DNAI1: variants seen among roughly 807,000 people sequenced by gnomAD.
The protein encoded by DNAI1 is dynein axonemal intermediate chain 1.
DNAI1 carries 67 observed loss-of-function variants against 92.0 expected under a neutral mutation model. The ratio of observed to expected loss-of-function variants is 0.73; its 90% CI spans 0.60 to 0.89. The LOEUF (loss-of-function observed/expected upper bound fraction) is 0.89, where lower values mean the gene tolerates loss of function less well. Among genes scored for constraint, DNAI1 ranks in the 40% least tolerant of loss-of-function variants. The pLI, the probability that DNAI1 is intolerant of heterozygous loss-of-function variation, is 0.00. For missense variants in DNAI1, 839 were observed against 866.6 expected, an observed-to-expected ratio of 0.97 and a Z score of 0.40; for synonymous variants, 323 against 319.6, an observed-to-expected ratio of 1.01 and a Z score of -0.11.
intron 16 of DNAI1, among the ~76,000 whole-genome samples, chr9:34,513,601 G>T (rs925781786): frequency 6.6e-6 from 1 of 152,224 alleles, no homozygotes; most frequent in Non-Finnish European, 1.5e-5. Flanking sequence ...CTCACGGTCA[G>T]TTTCTACAAG....
At chr9:34,481,417 C>T (rs1210263394) in intron 1 of DNAI1, among the ~76,000 whole-genome samples, 1 of 152,164 alleles carries the variant, frequency 6.6e-6, no homozygotes. Context: ...TGGGTTGCCT[C>T]AGATATAGGA....
chr9:34,481,772 C>T (rs905449498), intron 1 of DNAI1, among the ~76,000 whole-genome samples: 1 of 152,104 alleles, frequency 6.6e-6, no homozygotes. Flanking sequence ...TCTTGCTGGG[C>T]TCAGGAGTGA....
At chr9:34,488,007 G>T (rs1587069361) in intron 4 of DNAI1, 2 of 350,458 alleles carry the variant, frequency 5.7e-6, no homozygotes, top group African/African-American at 4.4e-5. Flanking sequence ...AACTACTGGG[G>T]ACAAGATGAA....
At position 34,476,327 on chromosome 9, in the gene DNAI1, G is replaced by A. The variant is rs1824235518; in HGVS notation, c.49-7121G>A. On this transcript the variant is annotated intron_variant, in intron 1 of 19. Coordinates refer to ENST00000242317, the MANE Select transcript of DNAI1 (RefSeq NM_012144.4). ...GTGTGTCACTGCTGTACATGAGAATGCCTCTTTCCAACCACCTCATTCTCT... is the reference window on the plus strand; with the variant it reads ...GTGTGTCACTGCTGTACATGAGAATACCTCTTTCCAACCACCTCATTCTCT... Among the ~76,000 whole-genome samples, 4 of 152,288 alleles carry A rather than the reference G, an allele frequency of 2.6e-5. No homozygotes were observed. In the East Asian group the frequency reaches 7.7e-4, roughly 29 times the overall value.
chr9:34,515,551 G>A (rs1825156792), intron 18 of DNAI1, among the ~76,000 whole-genome samples: 1 of 152,186 alleles, frequency 6.6e-6, no homozygotes, highest in Non-Finnish European at 1.5e-5. Context: ...GTTCATGGCA[G>A]CATTACTCAT....
Position 34,501,134 on chromosome 9 carries a change from G to T in DNAI1, c.1020-4G>T. On this transcript the variant is annotated splice_region_variant and splice_polypyrimidine_tract_variant and intron_variant, in intron 11 of 19. Transcript: ENST00000242317. Reference sequence around the variant, plus strand: ...TGCCAATGGATTCATATTTTTTTTTGCAGGAATCCAAAGTACAGGGATCTG... The same window carrying T: ...TGCCAATGGATTCATATTTTTTTTTTCAGGAATCCAAAGTACAGGGATCTG... The T allele has an allele frequency of 6.2e-7, 1 of 1,610,188 alleles. No homozygotes were observed.
rs777922183 is a variant in DNAI1, at chr9:34,500,836, G to C, written c.1016G>C (p.Cys339Ser). 1 of 1,612,960 alleles carries C rather than the reference G, an allele frequency of 6.2e-7. No homozygotes were observed. The highest frequency in any genetic ancestry group is 8.5e-7 in the Non-Finnish European group (1 of 1,178,970). ...AAGCGCCTGTCCGTCACTGCCCTCT[G>C]CTGGTAAGTATAGGCATTGCAGCAA... ...KAKRLSVTAL[C>S]WNPKYRDLFA... The change falls in exon 11 of 20, where the codon TGC (cysteine) becomes TCC (serine). Residue 339 changes from cysteine (C) to serine (S), a missense_variant. By Grantham distance (112) the Cys-to-Ser change is moderately radical. Coordinates refer to ENST00000242317, the MANE Select transcript of DNAI1 (RefSeq NM_012144.4).
intron 1 of DNAI1, among the ~76,000 whole-genome samples, chr9:34,461,310 G>C (rs969172764): frequency 6.6e-6 from 1 of 152,142 alleles, no homozygotes; most frequent in African/African-American, 2.4e-5. Context: ...ATTGAGGTTT[G>C]GTTTACATAT....
At chr9:34,507,569 G>A (rs1824963069) in intron 13 of DNAI1, among the ~76,000 whole-genome samples, 3 of 152,192 alleles carry the variant, frequency 2.0e-5, no homozygotes, top group African/African-American at 7.2e-5. Flanking sequence ...TCTCATGGAT[G>A]GCAGGGGCAG....
chr9:34,491,288 C>T (rs1351767318), intron 7 of DNAI1: 2 of 633,736 alleles, frequency 3.2e-6, no homozygotes, highest in South Asian at 1.8e-5. Context: ...CTAGCTTATA[C>T]TTCTTCTGAA....
intron 5 of DNAI1, 135 bp downstream of exon 5, chr9:34,489,584 T>C (rs1486843897): frequency 8.1e-6 from 9 of 1,112,588 alleles, no homozygotes; most frequent in Non-Finnish European, 1.2e-5. Context: ...GCAGGGTGGT[T>C]CTTGCCTATA....
chr9:34,508,753 G>A (rs545496853), intron 13 of DNAI1, among the ~76,000 whole-genome samples: 23 of 152,284 alleles, frequency 1.5e-4, no homozygotes, highest in South Asian at 2.1e-4. Flanking sequence ...AAAATGGGGC[G>A]TTGAGAAGAA....
intron 2 of DNAI1, among the ~76,000 whole-genome samples, chr9:34,484,078 G>A (rs1824426668): frequency 1.3e-5 from 2 of 152,160 alleles, no homozygotes; most frequent in African/African-American, 2.4e-5. Flanking sequence ...TGCTAGGCAT[G>A]GTGGTGCATG....
intron 1 of DNAI1, among the ~76,000 whole-genome samples, chr9:34,460,941 C>T (rs563787815): frequency 7.6e-4 from 116 of 152,126 alleles, no homozygotes; most frequent in African/African-American, 2.6e-3. Context: ...CCTGGGTTCA[C>T]GTCATTCTCC....
intron 1 of DNAI1, among the ~76,000 whole-genome samples, chr9:34,479,656 G>A (rs1824303039): frequency 6.6e-6 from 1 of 152,128 alleles, no homozygotes; most frequent in Admixed American, 6.5e-5. Context: ...TCTATTGTGA[G>A]CCTGAAAGTT....
At chr9:34,474,986 C>G (rs750794533) in intron 1 of DNAI1, among the ~76,000 whole-genome samples, 1 of 152,154 alleles carries the variant, frequency 6.6e-6, no homozygotes, top group Non-Finnish European at 1.5e-5. Context: ...CATCAGTTGG[C>G]ACTACCACAA....
chr9:34,477,120 A>T (rs535732421), intron 1 of DNAI1, among the ~76,000 whole-genome samples: 1 of 152,202 alleles, frequency 6.6e-6, no homozygotes, highest in Admixed American at 6.5e-5. Flanking sequence ...AGGTCAAGCA[A>T]TCCTCTTACC....
At position 34,491,552 on chromosome 9, in the gene DNAI1, C is replaced by A; in HGVS notation, c.679C>A (p.Gln227Lys). The part of the protein sequence containing the change: ...PRTNFSATAN[Q>K]WEIYDAYVEE... ...GACAAACTTTTCAGCCACAGCCAAT[C>A]AGGTAAGACCCTGGGCCAGCCTGAA... Residue 227 changes from glutamine (Q) to lysine (K), a missense_variant and splice_region_variant, in exon 8 of 20, where the codon CAG becomes AAG. Gln to Lys is a moderately conservative substitution (Grantham distance 53). Transcript: ENST00000242317. The A allele has an allele frequency of 6.2e-7, 1 of 1,614,210 alleles. No individual in the cohort carries two copies. Among genetic ancestry groups the A allele is most frequent in the South Asian group, 1.1e-5 (1 of 91,078 alleles).
Position 34,501,239 on chromosome 9 carries a change from A to G in DNAI1, c.1063+58A>G, listed in dbSNP as rs1278734668. ...TGTAAACAGCAAACACTAAGTACCT[A>G]CTCTGTGCAGAACTCTTTGCCAGTT... On this transcript the variant is annotated intron_variant, in intron 12 of 19. Coordinates refer to ENST00000242317, the MANE Select transcript of DNAI1 (RefSeq NM_012144.4). 28 of 1,353,634 alleles carry G rather than the reference A, an allele frequency of 2.1e-5. 1 individual carries two copies. In the South Asian group the frequency reaches 3.0e-4, roughly 15 times the overall value. 83.9% of individuals were successfully genotyped at this position (1,353,634 alleles called of 1,614,324 possible). A position where few individuals can be genotyped will look rare whatever the true frequency, so the allele number is the denominator to read the frequency against.
Sources: allele counts gnomAD v4.1 joint callset (sites outside exome capture counted in the v4.1 genomes callset), GRCh38; gene constraint gnomAD v4.1.1; transcripts MANE v1.5; gene names NCBI Gene and HGNC (gene_info 2026-07-23, HGNC 2026-07-21).